The following PRKG2 variants were observed in gnomAD, a reference collection of about 807,000 sequenced individuals.
PRKG2 encodes protein kinase cGMP-dependent 2.
PRKG2 carries 33 observed loss-of-function variants against 97.2 expected under a neutral mutation model. That is an observed-to-expected ratio of 0.34 (90% CI 0.26 to 0.45). The LOEUF is 0.45. PRKG2 is among the 20% of genes least tolerant of loss of function. The probability of loss-of-function intolerance (pLI) is 1.00; values close to 1 mark genes in which losing one functional copy is unlikely to be tolerated. For missense variants in PRKG2, 638 were observed against 900.0 expected (o/e 0.71, Z 3.73); for synonymous variants, 330 against 321.8 (o/e 1.03, Z -0.27).
At chr4:81,160,611 A>G (rs1341146833) in intron 6 of PRKG2, among the ~76,000 whole-genome samples, 1 of 152,170 alleles carries the variant, frequency 6.6e-6, no homozygotes, top group Non-Finnish European at 1.5e-5. Context: ...AAGATTCTAC[A>G]TTCACAGTAG....
At chr4:81,211,725 G>C (rs1035250385) in intron 1 of PRKG2, among the ~76,000 whole-genome samples, 3 of 152,020 alleles carry the variant, frequency 2.0e-5, no homozygotes, top group African/African-American at 4.8e-5. Flanking sequence ...TGAACTTCTT[G>C]AACTCAAGAA....
chr4:81,154,528 G>GGCCA (rs1475496675), intron 6 of PRKG2, among the ~76,000 whole-genome samples: 4 of 142,104 alleles, frequency 2.8e-5, no homozygotes, highest in African/African-American at 9.1e-5. Flanking sequence ...TCACACGGCA[G>GGCCA]GGTACTCCAA....
intron 2 of PRKG2, among the ~76,000 whole-genome samples, chr4:81,175,777 A>G (rs1269519918): frequency 6.6e-6 from 1 of 152,192 alleles, no homozygotes; most frequent in Non-Finnish European, 1.5e-5. Context: ...ATGTAGCTCA[A>G]GATAGCTACC....
At chr4:81,176,961 T>C (rs1750982141) in intron 2 of PRKG2, among the ~76,000 whole-genome samples, 1 of 152,182 alleles carries the variant, frequency 6.6e-6, no homozygotes, top group Admixed American at 6.5e-5. Context: ...ATCCATCTAG[T>C]ACTTACTCCC....
intron 14 of PRKG2, among the ~76,000 whole-genome samples, chr4:81,117,806 C>T (rs1224334600): frequency 2.2e-5 from 3 of 136,200 alleles, no homozygotes; most frequent in Non-Finnish European, 4.5e-5. Flanking sequence ...GAGAGAAGCA[C>T]TTGTTACAAT....
rs1418929922 is a variant in PRKG2, at chr4:81,183,253, CAGA to C, written c.462-8297_462-8295del. On this transcript the variant is annotated intron_variant, in intron 2 of 18. Coordinates refer to ENST00000264399, the MANE Select transcript of PRKG2 (RefSeq NM_006259.3). ...TCTGCAGCTTCCAGCGAGATCAATG[CAGA>C]AGGTGAGTGATCTCTACATTTCCAG... Among the ~76,000 whole-genome samples, 16 of 152,130 alleles carry C rather than the reference CAGA, an allele frequency of 1.1e-4. 1 individual carries two copies. Among genetic ancestry groups the C allele is most frequent in the Admixed American group, 9.8e-4 (15 of 15,276 alleles).
chr4:81,117,310 T>C (rs137858960), intron 14 of PRKG2, among the ~76,000 whole-genome samples: 21 of 152,198 alleles, frequency 1.4e-4, no homozygotes, highest in African/African-American at 5.1e-4. Flanking sequence ...GGGATTTCCA[T>C]AGATTTAATC....
chr4:81,102,507 G>A (rs891288777), intron 17 of PRKG2, among the ~76,000 whole-genome samples: 4 of 152,142 alleles, frequency 2.6e-5, no homozygotes, highest in Admixed American at 6.6e-5. Context: ...AGCATGGAGC[G>A]CTGGAAGAAA....
At chr4:81,213,244 T>C (rs982134385) in intron 1 of PRKG2, among the ~76,000 whole-genome samples, 3 of 152,180 alleles carry the variant, frequency 2.0e-5, no homozygotes, top group Non-Finnish European at 4.4e-5. Flanking sequence ...TGAAGTACCA[T>C]TTGTAGATGA....
intron 2 of PRKG2, among the ~76,000 whole-genome samples, chr4:81,180,952 C>A (rs2110096247): frequency 6.7e-6 from 1 of 148,616 alleles, no homozygotes; most frequent in Admixed American, 6.6e-5. Context: ...CATCATTTAG[C>A]ATTAGGTATA....
At chr4:81,106,194 G>A (rs1171130684) in intron 15 of PRKG2, among the ~76,000 whole-genome samples, 1 of 151,740 alleles carries the variant, frequency 6.6e-6, no homozygotes, top group East Asian at 1.9e-4. Context: ...ATAAAATAAA[G>A]AAAGGGACAG....
At chr4:81,171,595 G>A in intron 4 of PRKG2, 96 bp downstream of exon 4, 1 of 885,714 alleles carries the variant, frequency 1.1e-6, no homozygotes, top group Non-Finnish European at 1.7e-6. Context: ...GGTAAAATGG[G>A]AAACAGACTG....
At chr4:81,166,078 A>G (rs1296452461) in intron 6 of PRKG2, among the ~76,000 whole-genome samples, 1 of 152,108 alleles carries the variant, frequency 6.6e-6, no homozygotes, top group African/African-American at 2.4e-5. Flanking sequence ...CTTGAAAATG[A>G]CTTCATATCT....
upstream of PRKG2, among the ~76,000 whole-genome samples, chr4:81,216,891 T>TTGTGTGTGTG (rs68179456): frequency 1.5e-5 from 2 of 131,512 alleles, no homozygotes; most frequent in Admixed American, 7.7e-5. Flanking sequence ...TAGTATTCCA[T>TTGTGTGTGTG]TGTGTGTGTG....
intron 14 of PRKG2, among the ~76,000 whole-genome samples, chr4:81,113,499 C>A (rs1395228817): frequency 3.3e-5 from 5 of 152,066 alleles, no homozygotes; most frequent in African/African-American, 1.2e-4. Flanking sequence ...CTGAAAACAT[C>A]ATCTCCAAAG....
At chr4:81,193,447 T>G (rs952367434) in intron 2 of PRKG2, 2 of 152,202 alleles carry the variant, frequency 1.3e-5, no homozygotes, top group African/African-American at 4.8e-5. Flanking sequence ...CACTAAGAAC[T>G]GTGCCTGGTA....
intron 13 of PRKG2, among the ~76,000 whole-genome samples, chr4:81,136,229 A>G (rs1370195326): frequency 1.3e-5 from 2 of 152,180 alleles, no homozygotes; most frequent in Non-Finnish European, 2.9e-5. Context: ...TTCTACTCAG[A>G]TGCTCAATGT....
intron 18 of PRKG2, 117 bp from the exon 19 acceptor site, chr4:81,089,920 T>A: frequency 1.3e-6 from 1 of 785,372 alleles, no homozygotes; most frequent in Non-Finnish European, 2.0e-6. Flanking sequence ...ACTTGGAAGT[T>A]ACATACAAGA....
intron 13 of PRKG2, among the ~76,000 whole-genome samples, chr4:81,137,095 A>G (rs1746781653): frequency 6.6e-6 from 1 of 151,764 alleles, no homozygotes; most frequent in Admixed American, 6.6e-5. Context: ...GAGATTTGGA[A>G]TCAGAAACAC....
Sources: allele counts gnomAD v4.1 joint callset (sites outside exome capture counted in the v4.1 genomes callset), GRCh38; gene constraint gnomAD v4.1.1; transcripts MANE v1.5; gene names NCBI Gene and HGNC (gene_info 2026-07-23, HGNC 2026-07-21).